ZNF329: variants seen among roughly 807,000 people sequenced by gnomAD.
ZNF329 encodes the protein zinc finger protein 329.
A neutral mutation model predicts 26.6 loss-of-function variants in ZNF329; 15 were observed. The observed-to-expected ratio is 0.56, with a 90% CI of 0.38 to 0.87. The LOEUF (loss-of-function observed/expected upper bound fraction) is 0.87. ZNF329 is among the 40% of genes least tolerant of loss of function. ZNF329 has a pLI of 0.00. For synonymous variants in ZNF329, 239 were observed against 233.5 expected, an observed-to-expected ratio of 1.02 and a Z score of -0.21; for missense variants, 651 against 651.9, an observed-to-expected ratio of 1.00 and a Z score of 0.02.
At chr19:58,147,518 G>C (rs1425514736) in intron 1 of ZNF329, among the ~76,000 whole-genome samples, 1 of 137,656 alleles carries the variant, frequency 7.3e-6, no homozygotes, top group Non-Finnish European at 1.6e-5. Context: ...CCCTCTGCCC[G>C]GCCAGCCGCC....
chr19:58,130,673 CAAAAAAAAAA>C (rs11394563), intron 3 of ZNF329, among the ~76,000 whole-genome samples: 4 of 88,230 alleles, frequency 4.5e-5, no homozygotes, highest in Non-Finnish European at 8.7e-5. Flanking sequence ...GACTCCGTCT[CAAAAAAAAAA>C]AAAAAAAAAA....
At chr19:58,135,581 T>C (rs1223399849) in intron 3 of ZNF329, among the ~76,000 whole-genome samples, 1 of 152,180 alleles carries the variant, frequency 6.6e-6, no homozygotes, top group Non-Finnish European at 1.5e-5. Context: ...GAGGTTTTAA[T>C]GAACCTCTTT....
chr19:58,152,102 G>A (rs1428037250), upstream of ZNF329, among the ~76,000 whole-genome samples: 1 of 152,116 alleles, frequency 6.6e-6, no homozygotes, highest in Admixed American at 6.6e-5. Context: ...GAGCAACTTG[G>A]AAATCAATTA....
At chr19:58,151,202 T>G (rs189998135), upstream of ZNF329, among the ~76,000 whole-genome samples, 1 of 152,306 alleles carries the variant, frequency 6.6e-6, no homozygotes, top group African/African-American at 2.4e-5. Context: ...ACAAAGCCAG[T>G]AACTTTCCTC....
At chr19:58,152,581 GA>G (rs1473891735), upstream of ZNF329, among the ~76,000 whole-genome samples, 14 of 152,126 alleles carry the variant, frequency 9.2e-5, no homozygotes, top group African/African-American at 3.4e-4. Flanking sequence ...TCGGAGACCG[GA>G]CGCGGTGGCT....
At chr19:58,153,186 T>G (rs1270176862), upstream of ZNF329, among the ~76,000 whole-genome samples, 1 of 152,140 alleles carries the variant, frequency 6.6e-6, no homozygotes, top group Non-Finnish European at 1.5e-5. Flanking sequence ...CTCAGCTCAC[T>G]GCAACCTCCA....
intron 1 of ZNF329, among the ~76,000 whole-genome samples, chr19:58,146,702 C>T (rs920195724): frequency 3.0e-4 from 45 of 152,130 alleles, no homozygotes; most frequent in Non-Finnish European, 5.9e-4. Context: ...AGGCACGCGC[C>T]GCCACGCCTG....
upstream of ZNF329, chr19:58,155,060 A>G (rs159676): frequency 0.58 from 88,337 of 152,214 alleles, 25,690 homozygotes; most frequent in South Asian, 0.65. Context: ...TGGGGAGTGC[A>G]GGTCATCACT....
At chr19:58,135,605 G>A (rs1262410410) in intron 3 of ZNF329, among the ~76,000 whole-genome samples, 2 of 152,126 alleles carry the variant, frequency 1.3e-5, no homozygotes, top group East Asian at 1.9e-4. Context: ...AAATGAAAAC[G>A]CAGAAGAATG....
chr19:58,155,008 CA>C (rs1478818308), upstream of ZNF329: 4 of 152,370 alleles, frequency 2.6e-5, no homozygotes, highest in Non-Finnish European at 5.9e-5. Context: ...CGGTAGCGGC[CA>C]CCCCTGAGAG....
chr19:58,147,522 A>G (rs1474081802), intron 1 of ZNF329, among the ~76,000 whole-genome samples: 5 of 137,560 alleles, frequency 3.6e-5, no homozygotes, highest in Admixed American at 7.1e-5. Context: ...CTGCCCGGCC[A>G]GCCGCCCCGC....
chr19:58,127,943 G>A lies in ZNF329; in HGVS notation c.1561C>T (p.Gln521Ter), dbSNP rs376093555. The change falls in exon 4 of 4, where the codon CAA (glutamine) becomes TAA (stop). Residue 521 changes from glutamine to a stop codon, truncating the protein, a stop_gained. Coordinates refer to ENST00000598312, the MANE Select transcript of ZNF329 (RefSeq NM_024620.4). LOFTEE classifies it high-confidence loss of function. ...SRCPQCGKMF[Q>*]KSSSLVRHQR... Reference sequence around the variant, plus strand: ...TGTCGAACAAGGGATGAGCTCTTTTGGAACATTTTTCCACACTGAGGACAC... The same window carrying A: ...TGTCGAACAAGGGATGAGCTCTTTTAGAACATTTTTCCACACTGAGGACAC... The A allele has an allele frequency of 1.2e-6, 2 of 1,613,248 alleles. No individual in the cohort carries two copies. Among genetic ancestry groups the A allele is most frequent in the African/African-American group, 2.7e-5 (2 of 74,884 alleles).
intron 3 of ZNF329, among the ~76,000 whole-genome samples, chr19:58,139,881 TAAC>T (rs1244910064): frequency 6.6e-6 from 1 of 152,010 alleles, no homozygotes; most frequent in African/African-American, 2.4e-5. Flanking sequence ...ACAAAAACAA[TAAC>T]AAGTATTGGC....
Position 58,131,541 on chromosome 19 carries a change from T to C in ZNF329, c.-8-2030A>G, listed in dbSNP as rs1047849544. Among the ~76,000 whole-genome samples, 12 of 151,788 alleles carry C rather than the reference T, an allele frequency of 7.9e-5. No homozygotes were observed. The East Asian group carries it at 1.2e-3, about 15-fold the overall frequency. ...ATGCAAGTGGCAGATAGGGAGAAAA[T>C]AGGACTTAAAAGCACAAAGAATTAT... On this transcript the variant is annotated intron_variant, in intron 3 of 3. Transcript: ENST00000598312.
intron 1 of ZNF329, among the ~76,000 whole-genome samples, chr19:58,150,431 G>A (rs2075424366): frequency 6.6e-6 from 1 of 152,212 alleles, no homozygotes; most frequent in African/African-American, 2.4e-5. Flanking sequence ...CAGTCTCTAT[G>A]GGAGGGCGGG....
At chr19:58,151,039 A>G (rs908530898), upstream of ZNF329, among the ~76,000 whole-genome samples, 2 of 152,200 alleles carry the variant, frequency 1.3e-5, no homozygotes, top group Admixed American at 1.3e-4. Flanking sequence ...TTTATCTATA[A>G]TCTTTTTTTG....
intron 3 of ZNF329, among the ~76,000 whole-genome samples, chr19:58,136,408 T>C (rs1266133778): frequency 9.9e-5 from 15 of 151,870 alleles, no homozygotes; most frequent in Admixed American, 9.8e-4. Context: ...GCATGGTGGC[T>C]CACACCTGTA....
chr19:58,128,403 T>C lies in ZNF329; in HGVS notation c.1101A>G (p.Gly367=). Reference sequence around the variant, plus strand: ...ACTCTGCACACTCAAAGGGCTTTTCTCCAGTGTGAGTCCTCTCATGCTGGG... The same window carrying C: ...ACTCTGCACACTCAAAGGGCTTTTCCCCAGTGTGAGTCCTCTCATGCTGGG... ...YLTQHERTHT[G]EKPFECAECG... is the part of the protein sequence containing the mutation. The change falls in exon 4 of 4, where the codon GGA becomes GGG. Residue 367 remains glycine (G), a synonymous_variant. Transcript: ENST00000598312. 2 of 1,613,980 alleles carry C rather than the reference T, an allele frequency of 1.2e-6. No homozygotes were observed. The highest frequency in any genetic ancestry group is 8.5e-7 in the Non-Finnish European group (1 of 1,180,006).
chr19:58,129,546 T>C (rs1277352507), intron 3 of ZNF329, 35 bp from the exon 4 acceptor site: 1 of 1,517,972 alleles, frequency 6.6e-7, no homozygotes, highest in East Asian at 2.3e-5. Flanking sequence ...CTTAGGTATA[T>C]GAAGCTTTAT....
Sources: gnomAD v4.1 joint callset for allele counts (sites outside exome capture counted in the v4.1 genomes callset) on GRCh38, gnomAD v4.1.1 for gene constraint, MANE v1.5 for transcripts, NCBI Gene and HGNC (gene_info 2026-07-23, HGNC 2026-07-21) for gene names.